The following TSFM variants were observed in gnomAD, a reference collection of about 807,000 sequenced individuals.
The protein encoded by TSFM is elongation factor Ts, mitochondrial.
In TSFM, 29 loss-of-function variants were observed where a neutral mutation model predicts 33.4. The observed-to-expected ratio is 0.87, with a 90% CI of 0.65 to 1.18. TSFM has a LOEUF of 1.18. Among genes scored for constraint, TSFM ranks in the 50% most tolerant of loss-of-function variants. TSFM has a pLI of 0.00. For synonymous variants in TSFM, 178 were observed against 163.5 expected, an observed-to-expected ratio of 1.09 and a Z score of -0.68; for missense variants, 394 against 395.6, an observed-to-expected ratio of 1.00 and a Z score of 0.04.
chr12:57,790,319 T>G (rs879011967), intron 4 of TSFM, among the ~76,000 whole-genome samples: 1 of 152,052 alleles, frequency 6.6e-6, no homozygotes, highest in Non-Finnish European at 1.5e-5. Flanking sequence ...CCACCCATCT[T>G]GGCCTCCCAA....
At chr12:57,792,109 T>C in intron 4 of TSFM, 1 of 193,642 alleles carries the variant, frequency 5.2e-6, no homozygotes, top group Middle Eastern at 2.0e-3. Context: ...CCAGGCATGG[T>C]GGCGCATGCC....
intron 2 of TSFM, among the ~76,000 whole-genome samples, chr12:57,784,477 T>G (rs923260540): frequency 6.6e-6 from 1 of 152,274 alleles, no homozygotes; most frequent in African/African-American, 2.4e-5. Flanking sequence ...ATGTTTTAAA[T>G]TTTTGGACTC....
At chr12:57,788,443 G>A (rs771882834) in intron 4 of TSFM, among the ~76,000 whole-genome samples, 1 of 151,654 alleles carries the variant, frequency 6.6e-6, no homozygotes, top group Non-Finnish European at 1.5e-5. Context: ...CACACGCCTA[G>A]TATTTGTATT....
At position 57,796,577 on chromosome 12, in the gene TSFM, T is replaced by C; in HGVS notation, c.972T>C (p.Thr324=). 7.1e-7 allele frequency: 1 copy of C among 1,415,824 alleles called. No individual in the cohort carries two copies. The highest frequency in any genetic ancestry group is 1.4e-5 in the African/African-American group (1 of 70,110). 87.7% of individuals were successfully genotyped at this position (1,415,824 alleles called of 1,614,324 possible). The change falls in exon 6 of 6, where the codon ACT becomes ACC. Residue 324 remains threonine (T), a synonymous_variant. Transcript: ENST00000652027. Reference sequence around the variant, plus strand: ...GAGAAGGTGAAGAGGCAGCAGAAACTGAATAGGTTCCAGAGACTTTTGGCC... The same window carrying C: ...GAGAAGGTGAAGAGGCAGCAGAAACCGAATAGGTTCCAGAGACTTTTGGCC... The part of the protein sequence containing the change: ...ECGEGEEAAE[T]E
chr12:57,795,530 G>A (rs1278094583), intron 5 of TSFM, among the ~76,000 whole-genome samples: 1 of 152,184 alleles, frequency 6.6e-6, no homozygotes, highest in African/African-American at 2.4e-5. Flanking sequence ...TCACTTGCCC[G>A]AGGTCATATA....
downstream of TSFM, chr12:57,799,791 TCACCTC>T (rs1371214831): frequency 6.2e-7 from 1 of 1,613,810 alleles, no homozygotes; most frequent in Admixed American, 1.7e-5. Context: ...CTTCAGCCAC[TCACCTC>T]CTTTTTGGCA....
rs377116863 is a variant in TSFM at position 57,796,532 on chromosome 12, C to T, written c.927C>T (p.Asp309=). The change falls in exon 6 of 6, where the codon GAC becomes GAT. Residue 309 remains aspartate (D), a synonymous_variant. Transcript: ENST00000652027. ...YVQPQGVSVV[D]FVRFECGEGE... is the part of the protein sequence containing the mutation. ...AGCCTCAGGGGGTGTCGGTAGTAGACTTTGTGCGGTTTGAATGTGGAGAAG... is the reference window on the plus strand; with the variant it reads ...AGCCTCAGGGGGTGTCGGTAGTAGATTTTGTGCGGTTTGAATGTGGAGAAG... 5 of 1,480,262 alleles carry T rather than the reference C, an allele frequency of 3.4e-6. No individual in the cohort carries two copies. In the African/African-American group the frequency reaches 7.0e-5, roughly 21 times the overall value. 91.7% of individuals were successfully genotyped at this position (1,480,262 alleles called of 1,614,324 possible).
rs1565823821 is a variant in TSFM, at chr12:57,793,043, T to C, written c.541T>C (p.Ser181Pro). 1 of 1,613,782 alleles carries C rather than the reference T, an allele frequency of 6.2e-7. No individual in the cohort carries two copies. Among genetic ancestry groups the C allele is most frequent in the Non-Finnish European group, 8.5e-7 (1 of 1,179,738 alleles). ...GLPAGPDREG[S>P]LKDQLALAIG... is the part of the protein sequence containing the mutation. ...TCCAGCTGGGCCTGACAGAGAAGGC[T>C]CACTCAAGGATCAGTTGGCTTTAGC... Residue 181 changes from serine to proline, a missense_variant, in exon 5 of 6, where the codon TCA becomes CCA. Around this residue, in one of 3 missense-constraint regions of TSFM, gnomAD observed 186 missense variants for 198.8 expected, o/e 0.94. Coordinates refer to ENST00000652027, the MANE Select transcript of TSFM (RefSeq NM_005726.6).
rs1030325929 is a variant in TSFM, at chr12:57,784,707, C to T, written c.231+1424C>T. Among the ~76,000 whole-genome samples the T allele has an allele frequency of 6.6e-5, 10 of 151,486 alleles. No homozygotes were observed. In the South Asian group the frequency reaches 1.2e-3, roughly 19 times the overall value. On this transcript the variant is annotated intron_variant, in intron 2 of 5. Coordinates refer to ENST00000652027, the MANE Select transcript of TSFM (RefSeq NM_005726.6). ...TAGCCTGACCCACACGGAGAAACCTCGTCTCTACTAAAAAAAAATAAAATT... is the reference window on the plus strand; with the variant it reads ...TAGCCTGACCCACACGGAGAAACCTTGTCTCTACTAAAAAAAAATAAAATT...
chr12:57,793,601 A>C (rs1955693895), intron 5 of TSFM, among the ~76,000 whole-genome samples: 1 of 152,210 alleles, frequency 6.6e-6, no homozygotes, highest in African/African-American at 2.4e-5. Flanking sequence ...ATATCTAGGG[A>C]AACGGAGTCC....
chr12:57,793,469 G>T (rs539448320), intron 5 of TSFM, among the ~76,000 whole-genome samples: 3 of 152,000 alleles, frequency 2.0e-5, no homozygotes, highest in African/African-American at 7.3e-5. Flanking sequence ...TGATCCGCCC[G>T]CCTCGGCCTC....
chr12:57,798,104 G>A (rs1017917243), downstream of TSFM: 1 of 585,674 alleles, frequency 1.7e-6, no homozygotes, highest in African/African-American at 1.9e-5. Context: ...CTTGAAGAGG[G>A]AAGTAGAATG....
chr12:57,797,842 T>C (rs1363936600), downstream of TSFM: 1 of 1,458,450 alleles, frequency 6.9e-7, no homozygotes, highest in Non-Finnish European at 9.3e-7. Context: ...CACTATCTGC[T>C]CTTTTCTGTG....
chr12:57,783,002 C>A, intron 1 of TSFM, 108 bp from the exon 2 acceptor site: 1 of 1,481,906 alleles, frequency 6.7e-7, no homozygotes, highest in Non-Finnish European at 9.1e-7. Context: ...CCCGGTGCAC[C>A]CCCCTTTGCA....
intron 4 of TSFM, among the ~76,000 whole-genome samples, chr12:57,788,692 T>A (rs1955622577): frequency 2.0e-5 from 3 of 152,228 alleles, no homozygotes; most frequent in Admixed American, 2.0e-4. Flanking sequence ...TGGAGTGCAG[T>A]GGCACAATCA....
At chr12:57,799,819 C>T (rs766006295), downstream of TSFM, 2 of 1,614,120 alleles carry the variant, frequency 1.2e-6, no homozygotes, top group South Asian at 1.1e-5. Flanking sequence ...GGTTTACATC[C>T]TCAGGCAGCT....
chr12:57,784,891 AC>A (rs1468925730), intron 2 of TSFM, among the ~76,000 whole-genome samples: 1 of 151,146 alleles, frequency 6.6e-6, no homozygotes, highest in African/African-American at 2.4e-5. Context: ...AAAAAAAAAA[AC>A]AACAACTTTT....
chr12:57,786,139 GCT>G, intron 2 of TSFM, 22 bp from the exon 3 acceptor site: 2 of 1,587,334 alleles, frequency 1.3e-6, no homozygotes, highest in South Asian at 1.1e-5. Context: ...TTTGTTGTCT[GCT>G]CTTTTTCCTC....
chr12:57,792,330 C>G (rs1307938740), intron 4 of TSFM, among the ~76,000 whole-genome samples: 1 of 152,198 alleles, frequency 6.6e-6, no homozygotes, highest in Non-Finnish European at 1.5e-5. Context: ...AGGAGGATCT[C>G]TTAAGCTAAG....
Sources: allele counts gnomAD v4.1 joint callset (sites outside exome capture counted in the v4.1 genomes callset), GRCh38; gene constraint gnomAD v4.1.1; regional missense constraint gnomAD v4.1.1; transcripts MANE v1.5; gene names NCBI Gene and HGNC (gene_info 2026-07-23, HGNC 2026-07-21).